The following HOMER1 variants were observed in gnomAD, a reference collection of about 807,000 sequenced individuals.
HOMER1 encodes homer scaffold protein 1.
HOMER1 carries 3 observed loss-of-function variants against 48.9 expected under a neutral mutation model. That is an observed-to-expected ratio of 0.06 (90% CI 0.03 to 0.16). The LOEUF (loss-of-function observed/expected upper bound fraction) is 0.16, where lower values mean the gene tolerates loss of function less well. HOMER1 is among the 10% of genes least tolerant of loss of function. The probability of loss-of-function intolerance (pLI) is 1.00; values close to 1 mark genes in which losing one functional copy is unlikely to be tolerated. For missense variants in HOMER1, 247 were observed against 411.4 expected (o/e 0.60, Z 3.46); for synonymous variants, 134 against 146.4 (o/e 0.92, Z 0.61).
intron 2 of HOMER1, among the ~76,000 whole-genome samples, chr5:79,454,178 C>T (rs1320620360): frequency 2.0e-5 from 3 of 152,154 alleles, no homozygotes; most frequent in African/African-American, 7.2e-5. Flanking sequence ...AAATTCCTTC[C>T]TTTAAAATAA....
intron 5 of HOMER1, among the ~76,000 whole-genome samples, chr5:79,417,244 G>A (rs1173307124): frequency 3.8e-4 from 57 of 151,820 alleles, no homozygotes; most frequent in Non-Finnish European, 1.5e-5. Flanking sequence ...CCGGGTTCAC[G>A]CCATTCTCCT....
chr5:79,378,791 C>G (rs1406924343), intron 8 of HOMER1, among the ~76,000 whole-genome samples: 1 of 151,868 alleles, frequency 6.6e-6, no homozygotes, highest in African/African-American at 2.4e-5. Context: ...CCAATCAATG[C>G]AATAGTCAAA....
At chr5:79,453,177 CAG>C (rs1214254347) in intron 2 of HOMER1, among the ~76,000 whole-genome samples, 2 of 152,022 alleles carry the variant, frequency 1.3e-5, no homozygotes, top group Non-Finnish European at 2.9e-5. Flanking sequence ...CAGGATGTGA[CAG>C]AGTGAAACGC....
In HOMER1 at chr5:79,374,875, C is replaced by G. The variant is rs1189030057; in HGVS notation, c.*1134G>C. 1 of 151,870 alleles carries G rather than the reference C, an allele frequency of 6.6e-6. No individual in the cohort carries two copies. Among genetic ancestry groups the G allele is most frequent in the East Asian group, 1.9e-4 (1 of 5,188 alleles). 9.4% of individuals were successfully genotyped at this position (151,870 alleles called of 1,614,324 possible). On this transcript the variant is annotated 3_prime_UTR_variant, in exon 9 of 9. Coordinates refer to ENST00000334082, the MANE Select transcript of HOMER1 (RefSeq NM_004272.5). ...CCTAGTTAACAATTCAGAATATTGC[C>G]TTGTGAGGTTTGAATCAAGATGTGA...
At chr5:79,481,738 A>T (rs1486301920) in intron 1 of HOMER1, among the ~76,000 whole-genome samples, 4 of 152,184 alleles carry the variant, frequency 2.6e-5, no homozygotes, top group African/African-American at 9.7e-5. Flanking sequence ...ATTCAGCCAG[A>T]AGGGAGAGCA....
intron 5 of HOMER1, among the ~76,000 whole-genome samples, chr5:79,415,427 C>G (rs1430959124): frequency 6.6e-6 from 1 of 152,072 alleles, no homozygotes; most frequent in Non-Finnish European, 1.5e-5. Flanking sequence ...AAAACATGGA[C>G]ATAAATTGTA....
intron 8 of HOMER1, among the ~76,000 whole-genome samples, chr5:79,383,000 T>TA (rs1161815563): frequency 1.3e-5 from 2 of 152,142 alleles, no homozygotes; most frequent in Admixed American, 6.5e-5. Context: ...ACTTTACTTG[T>TA]AAAAAGGCTT....
At chr5:79,472,537 G>A (rs1290822615) in intron 1 of HOMER1, among the ~76,000 whole-genome samples, 1 of 152,120 alleles carries the variant, frequency 6.6e-6, no homozygotes, top group Non-Finnish European at 1.5e-5. Context: ...AGGAATGGGA[G>A]GCTGAGGTAG....
At chr5:79,412,401 A>G (rs1258899105) in intron 5 of HOMER1, among the ~76,000 whole-genome samples, 3 of 152,230 alleles carry the variant, frequency 2.0e-5, no homozygotes, top group Non-Finnish European at 4.4e-5. Context: ...GCAACCTCTT[A>G]AAGTTATCTG....
chr5:79,460,712 G>A (rs1579997867), intron 1 of HOMER1, among the ~76,000 whole-genome samples: 1 of 152,292 alleles, frequency 6.6e-6, no homozygotes, highest in South Asian at 2.1e-4. Context: ...CTGTCACAAT[G>A]AGGGAAACTG....
intron 8 of HOMER1, among the ~76,000 whole-genome samples, chr5:79,389,913 GAA>G (rs1472479359): frequency 1.3e-5 from 2 of 152,082 alleles, no homozygotes; most frequent in African/African-American, 2.4e-5. Context: ...AACAGGGAGA[GAA>G]AGAGAAAAAT....
At chr5:79,400,611 C>A (rs1262969416) in intron 6 of HOMER1, among the ~76,000 whole-genome samples, 1 of 151,474 alleles carries the variant, frequency 6.6e-6, no homozygotes, top group African/African-American at 2.4e-5. Flanking sequence ...TCCTCCTTAG[C>A]CTCCCAAAGT....
At chr5:79,505,657 T>C (rs1318665102) in intron 1 of HOMER1, among the ~76,000 whole-genome samples, 2 of 152,124 alleles carry the variant, frequency 1.3e-5, no homozygotes, top group Non-Finnish European at 2.9e-5. Context: ...AAAGCTAATA[T>C]TAATATTAGG....
chr5:79,440,094 T>C (rs2112277295), intron 4 of HOMER1, among the ~76,000 whole-genome samples: 1 of 152,134 alleles, frequency 6.6e-6, no homozygotes, highest in East Asian at 1.9e-4. Flanking sequence ...AAAATAAGTG[T>C]CCAACAGGGG....
chr5:79,386,632 C>A (rs1366204426), intron 8 of HOMER1, among the ~76,000 whole-genome samples: 1 of 152,012 alleles, frequency 6.6e-6, no homozygotes, highest in African/African-American at 2.4e-5. Flanking sequence ...TGAAATATTA[C>A]CAACACACAG....
intron 5 of HOMER1, among the ~76,000 whole-genome samples, chr5:79,415,328 G>C (rs1461736844): frequency 6.6e-6 from 1 of 151,782 alleles, no homozygotes; most frequent in Non-Finnish European, 1.5e-5. Context: ...CCAAAGGGTT[G>C]GCATTACTGT....
chr5:79,439,157 A>G lies in HOMER1; in HGVS notation c.388-8T>C. 2.5e-6 allele frequency: 4 copies of G among 1,613,670 alleles called. No homozygotes were observed. Among genetic ancestry groups the G allele is most frequent in the Non-Finnish European group, 3.4e-6 (4 of 1,179,836 alleles). On this transcript the variant is annotated splice_region_variant and splice_polypyrimidine_tract_variant and intron_variant, in intron 4 of 8. Transcript: ENST00000334082. ...ATCCCCGCCTGCGGATTCCTTTAAA[A>G]AAAGGGGTGGGGGATAAAAAATAGT...
At chr5:79,479,471 A>G (rs6896220) in intron 1 of HOMER1, among the ~76,000 whole-genome samples, 91,826 of 151,998 alleles carry the variant, frequency 0.6, 30,252 homozygotes, top group East Asian at 0.99. Flanking sequence ...ATGATGAAGG[A>G]AGATACAGAT....
At chr5:79,404,916 C>T (rs528697038) in intron 5 of HOMER1, among the ~76,000 whole-genome samples, 77 of 151,480 alleles carry the variant, frequency 5.1e-4, no homozygotes, top group African/African-American at 1.8e-3. Context: ...ACCATGTTGG[C>T]CAGGCTGGTC....
Sources: gnomAD v4.1 joint callset for allele counts (sites outside exome capture counted in the v4.1 genomes callset) on GRCh38, gnomAD v4.1.1 for gene constraint, MANE v1.5 for transcripts, NCBI Gene and HGNC (gene_info 2026-07-23, HGNC 2026-07-21) for gene names.